RBMS3: variants seen among roughly 807,000 people sequenced by gnomAD.
RBMS3 encodes RNA-binding motif, single-stranded-interacting protein 3.
RBMS3 carries 27 observed loss-of-function variants against 66.8 expected under a neutral mutation model. That is an observed-to-expected ratio of 0.40 (90% CI 0.30 to 0.56). The LOEUF (loss-of-function observed/expected upper bound fraction) is 0.56. Ranked by LOEUF, RBMS3 falls within the 20% of genes least tolerant of loss-of-function variation. The probability of loss-of-function intolerance (pLI) is 0.40; values close to 1 mark genes in which losing one functional copy is unlikely to be tolerated. For synonymous variants in RBMS3, 188 were observed against 183.0 expected, an observed-to-expected ratio of 1.03 and a Z score of -0.22; for missense variants, 513 against 549.5, an observed-to-expected ratio of 0.93 and a Z score of 0.66.
intron 4 of RBMS3, among the ~76,000 whole-genome samples, chr3:29,732,649 C>T (rs2054185100): frequency 6.6e-6 from 1 of 152,052 alleles, no homozygotes. Context: ...TAAACTAATT[C>T]CAAAATATCT....
At chr3:29,527,130 G>A (rs1015808571) in intron 3 of RBMS3, among the ~76,000 whole-genome samples, 1 of 137,566 alleles carries the variant, frequency 7.3e-6, no homozygotes, top group Non-Finnish European at 1.5e-5. Flanking sequence ...ATGATATCTA[G>A]GAGGACCCAA....
chr3:29,659,591 A>G (rs1057338831), intron 4 of RBMS3, among the ~76,000 whole-genome samples: 5 of 152,228 alleles, frequency 3.3e-5, no homozygotes, highest in Non-Finnish European at 7.3e-5. Context: ...CTATTACAGT[A>G]TATGTATATA....
At chr3:29,859,805 T>C (rs1300761693) in intron 6 of RBMS3, among the ~76,000 whole-genome samples, 3 of 152,174 alleles carry the variant, frequency 2.0e-5, no homozygotes, top group Admixed American at 2.0e-4. Context: ...ATTTTTGCCA[T>C]GTAAATTGTG....
At chr3:29,593,760 C>T (rs2149104886) in intron 4 of RBMS3, among the ~76,000 whole-genome samples, 1 of 152,322 alleles carries the variant, frequency 6.6e-6, no homozygotes, top group Non-Finnish European at 1.5e-5. Context: ...TGTTGAACAC[C>T]TGCTATCCAC....
rs143936976 is a variant in RBMS3, at chr3:29,730,959, GA to G, written c.400-8758del. 2.1e-3 allele frequency: 2,081 copies of G among 985,352 alleles called. 41 individuals carry two copies. The African/African-American group carries it at 0.034, about 16-fold the overall frequency. The allele number at this position is 985,352 out of a possible 1,614,324, so 61.0% of individuals were successfully genotyped here. A position where few individuals can be genotyped will look rare whatever the true frequency, so the allele number is the denominator to read the frequency against. ...AGTTCATGAGGTGTATATGGAGGGA[GA>G]AATCAAGGAAAGCCAGAGATCCAAT... On this transcript the variant is annotated intron_variant, in intron 4 of 14. Transcript: ENST00000383767.
rs1391015018 is a variant in RBMS3 at position 30,006,195 on chromosome 3, A to C, written c.*2333A>C. 6.6e-6 allele frequency: 1 copy of C among 151,914 alleles called. No homozygotes were observed. The highest frequency in any genetic ancestry group is 2.4e-5 in the African/African-American group (1 of 41,418). 9.4% of individuals were successfully genotyped at this position (151,914 alleles called of 1,614,324 possible). A position where few individuals can be genotyped will look rare whatever the true frequency, so the allele number is the denominator to read the frequency against. On this transcript the variant is annotated 3_prime_UTR_variant, in exon 15 of 15. Coordinates refer to ENST00000383767, the MANE Select transcript of RBMS3 (RefSeq NM_001003793.3). ...AGGGAAATGTATTTAAGTGTACTATAAAACAGGGTAGGCTTTTTAAAAACT... is the reference window on the plus strand; with the variant it reads ...AGGGAAATGTATTTAAGTGTACTATCAAACAGGGTAGGCTTTTTAAAAACT...
chr3:29,847,766 C>G (rs545530423), intron 6 of RBMS3, among the ~76,000 whole-genome samples: 5 of 152,214 alleles, frequency 3.3e-5, no homozygotes, highest in African/African-American at 1.2e-4. Flanking sequence ...CGCCATTCTC[C>G]TGCCTCAGCC....
At chr3:29,747,980 C>A (rs1576686365) in intron 5 of RBMS3, among the ~76,000 whole-genome samples, 1 of 152,086 alleles carries the variant, frequency 6.6e-6, no homozygotes, top group Admixed American at 6.5e-5. Context: ...AGGGAGATGA[C>A]AATAAGTATG....
intron 10 of RBMS3, among the ~76,000 whole-genome samples, chr3:29,902,361 G>A (rs760533267): frequency 6.6e-6 from 1 of 151,788 alleles, no homozygotes; most frequent in Non-Finnish European, 1.5e-5. Flanking sequence ...TATCAAATGA[G>A]TGTTGTTATA....
At chr3:29,442,212 A>ATT (rs58714956) in intron 2 of RBMS3, among the ~76,000 whole-genome samples, 1 of 151,998 alleles carries the variant, frequency 6.6e-6, no homozygotes, top group African/African-American at 2.4e-5. Context: ...ATATACTTAC[A>ATT]TTTTTTTGCC....
intron 6 of RBMS3, among the ~76,000 whole-genome samples, chr3:29,842,920 A>T (rs2058695762): frequency 6.6e-6 from 1 of 152,212 alleles, no homozygotes; most frequent in Non-Finnish European, 1.5e-5. Flanking sequence ...CCCTACTGAT[A>T]TTTTAATTTC....
chr3:29,460,124 A>G (rs2042324762), intron 2 of RBMS3, among the ~76,000 whole-genome samples: 1 of 152,202 alleles, frequency 6.6e-6, no homozygotes, highest in Non-Finnish European at 1.5e-5. Context: ...TAACAAGGTA[A>G]TTGTTAGTGA....
At chr3:29,316,978 T>C (rs2034721484) in intron 1 of RBMS3, among the ~76,000 whole-genome samples, 1 of 151,776 alleles carries the variant, frequency 6.6e-6, no homozygotes, top group African/African-American at 2.4e-5. Context: ...AAACTCTAAT[T>C]TGATGCCCAA....
intron 4 of RBMS3, among the ~76,000 whole-genome samples, chr3:29,649,616 G>A (rs1314437227): frequency 1.1e-4 from 16 of 152,016 alleles, no homozygotes; most frequent in Admixed American, 6.6e-5. Context: ...AACCTTCTAG[G>A]CAGCTGCAAA....
intron 10 of RBMS3, among the ~76,000 whole-genome samples, chr3:29,905,899 A>G (rs2060364799): frequency 6.6e-6 from 1 of 152,128 alleles, no homozygotes; most frequent in Admixed American, 6.6e-5. Flanking sequence ...AAATGTCCAC[A>G]ATATTTTTTT....
intron 4 of RBMS3, among the ~76,000 whole-genome samples, chr3:29,700,358 G>A (rs1219335969): frequency 6.6e-6 from 1 of 152,180 alleles, no homozygotes; most frequent in African/African-American, 2.4e-5. Flanking sequence ...ACGCCAAACT[G>A]TGTACGGTCT....
intron 5 of RBMS3, among the ~76,000 whole-genome samples, chr3:29,755,225 A>G (rs565750435): frequency 6.6e-6 from 1 of 152,208 alleles, no homozygotes; most frequent in African/African-American, 2.4e-5. Flanking sequence ...TGGCTAAAAA[A>G]ATATACTTAG....
chr3:29,836,430 T>A (rs969340027), intron 6 of RBMS3, among the ~76,000 whole-genome samples: 3 of 152,006 alleles, frequency 2.0e-5, no homozygotes, highest in Non-Finnish European at 2.9e-5. Flanking sequence ...AAGTGGTATG[T>A]ATCACTGGGG....
intron 3 of RBMS3, among the ~76,000 whole-genome samples, chr3:29,551,657 G>A (rs1358269636): frequency 6.6e-6 from 1 of 152,068 alleles, no homozygotes; most frequent in East Asian, 1.9e-4. Flanking sequence ...AAATGTGAGA[G>A]GAATAATATG....
Sources: gnomAD v4.1 joint callset for allele counts (sites outside exome capture counted in the v4.1 genomes callset) on GRCh38, gnomAD v4.1.1 for gene constraint, MANE v1.5 for transcripts, NCBI Gene and HGNC (gene_info 2026-07-23, HGNC 2026-07-21) for gene names.